RBFOX1: variants seen among roughly 807,000 people sequenced by gnomAD.
The protein encoded by RBFOX1 is RNA binding fox-1 homolog 1, also known as RNA binding protein fox-1 homolog 1.
RBFOX1 carries 8 observed loss-of-function variants against 57.7 expected under a neutral mutation model. That is an observed-to-expected ratio of 0.14 (90% CI 0.08 to 0.25). RBFOX1 has a LOEUF of 0.25. RBFOX1 is among the 10% of genes least tolerant of loss of function. The pLI is 1.00. For synonymous variants in RBFOX1, 326 were observed against 222.4 expected, an observed-to-expected ratio of 1.47 and a Z score of -4.15; for missense variants, 611 against 548.5, an observed-to-expected ratio of 1.11 and a Z score of -1.14.
At chr16:6,004,139 T>A (rs2060652021) in intron 4 of RBFOX1, among the ~76,000 whole-genome samples, 1 of 152,162 alleles carries the variant, frequency 6.6e-6, no homozygotes, top group South Asian at 2.1e-4. Context: ...ATAGCACACG[T>A]TTGCCTGTGT....
intron 3 of RBFOX1, among the ~76,000 whole-genome samples, chr16:6,787,790 C>A (rs966556591): frequency 6.6e-6 from 1 of 152,174 alleles, no homozygotes; most frequent in African/African-American, 2.4e-5. Context: ...ACTTAGTCTT[C>A]CTCCATAATA....
intron 2 of RBFOX1, among the ~76,000 whole-genome samples, chr16:6,399,455 C>T (rs961029133): frequency 6.6e-6 from 1 of 152,190 alleles, no homozygotes; most frequent in South Asian, 2.1e-4. Flanking sequence ...TCTGCTAAAA[C>T]ACAGCAAGAG....
chr16:5,727,048 C>T (rs919814532), intron 3 of RBFOX1, among the ~76,000 whole-genome samples: 1 of 152,138 alleles, frequency 6.6e-6, no homozygotes, highest in African/African-American at 2.4e-5. Flanking sequence ...TACTTGAGGT[C>T]AGGAGTTTAA....
chr16:7,188,728 G>T (rs2084555541), intron 4 of RBFOX1, among the ~76,000 whole-genome samples: 1 of 152,122 alleles, frequency 6.6e-6, no homozygotes, highest in African/African-American at 2.4e-5. Context: ...CATATATTTG[G>T]AGATTCAGAT....
At chr16:5,369,591 C>G (rs1410006962) in intron 1 of RBFOX1, among the ~76,000 whole-genome samples, 1 of 152,246 alleles carries the variant, frequency 6.6e-6, no homozygotes, top group Non-Finnish European at 1.5e-5. Flanking sequence ...TCATGCCCCA[C>G]ACGCTCCTGA....
intron 1 of RBFOX1, among the ~76,000 whole-genome samples, chr16:6,093,603 G>C (rs1277296431): frequency 6.6e-6 from 1 of 151,968 alleles, no homozygotes; most frequent in African/African-American, 2.4e-5. Flanking sequence ...GCATGGGACG[G>C]TCTGTGAATT....
intron 1 of RBFOX1, among the ~76,000 whole-genome samples, chr16:6,036,992 G>A (rs2095373644): frequency 6.6e-6 from 1 of 152,178 alleles, no homozygotes; most frequent in South Asian, 2.1e-4. Flanking sequence ...TGGTGGGACT[G>A]TGTGTGTTGG....
chr16:6,746,112 G>A (rs915373988), intron 3 of RBFOX1, among the ~76,000 whole-genome samples: 3 of 152,138 alleles, frequency 2.0e-5, no homozygotes, highest in Non-Finnish European at 1.5e-5. Flanking sequence ...TAGCTGAGAG[G>A]AGTTGAAAGA....
chr16:5,351,331 G>A (rs529997332), intron 1 of RBFOX1, among the ~76,000 whole-genome samples: 47 of 152,312 alleles, frequency 3.1e-4, no homozygotes, highest in Non-Finnish European at 6.2e-4. Context: ...AACTACTCTA[G>A]AAGGTAGATA....
intron 4 of RBFOX1, among the ~76,000 whole-genome samples, chr16:7,283,039 T>C (rs917963684): frequency 1.3e-5 from 2 of 152,192 alleles, no homozygotes; most frequent in Non-Finnish European, 2.9e-5. Context: ...TTTGCAATTG[T>C]GAATTGTGCT....
intron 11 of RBFOX1, among the ~76,000 whole-genome samples, chr16:7,637,700 C>G (rs2062000904): frequency 6.6e-6 from 1 of 152,076 alleles, no homozygotes; most frequent in Admixed American, 6.5e-5. Context: ...CTTCTTTTTC[C>G]CTCACTTGCC....
intron 3 of RBFOX1, among the ~76,000 whole-genome samples, chr16:6,764,806 G>A (rs116527798): frequency 3.3e-5 from 5 of 152,070 alleles, no homozygotes; most frequent in African/African-American, 7.2e-5. Context: ...GCATGGTGAC[G>A]GGTGCCTGTA....
chr16:6,575,945 G>C (rs1387286341), intron 2 of RBFOX1, among the ~76,000 whole-genome samples: 1 of 151,852 alleles, frequency 6.6e-6, no homozygotes, highest in South Asian at 2.1e-4. Context: ...TGATTAATCA[G>C]TGATGGTGGT....
At chr16:5,956,639 A>AATAT (rs1373907599) in intron 4 of RBFOX1, among the ~76,000 whole-genome samples, 1,965 of 123,260 alleles carry the variant, frequency 0.016, 49 homozygotes, top group African/African-American at 0.058. Context: ...GCAAAAAACA[A>AATAT]ATATATATAT....
intron 4 of RBFOX1, among the ~76,000 whole-genome samples, chr16:7,101,862 C>A (rs1159682168): frequency 1.3e-5 from 2 of 152,038 alleles, no homozygotes; most frequent in African/African-American, 4.8e-5. Flanking sequence ...ATCCCAGGTC[C>A]AGGGATTGTA....
At chr16:5,955,485 A>G (rs17138985) in intron 4 of RBFOX1, among the ~76,000 whole-genome samples, 8,739 of 152,008 alleles carry the variant, frequency 0.057, 880 homozygotes, top group African/African-American at 0.2. Flanking sequence ...CAGGCAAGAC[A>G]TAGGACATAA....
intron 2 of RBFOX1, among the ~76,000 whole-genome samples, chr16:5,509,860 G>T (rs891729747): frequency 1.1e-4 from 16 of 152,206 alleles, no homozygotes; most frequent in African/African-American, 2.9e-4. Context: ...GGGTGTCCCA[G>T]ATGGTGCCCA....
chr16:5,952,177 G>A lies in RBFOX1; in HGVS notation c.351+84842G>A, dbSNP rs573892775. Among the ~76,000 whole-genome samples the A allele has an allele frequency of 2.0e-5, 3 of 148,910 alleles. No individual in the cohort carries two copies. In the South Asian group the frequency reaches 6.4e-4, roughly 32 times the overall value. ...GTTTTGTTTTTTTTTTTGAGATGAAGTCTCACTCTGTTTCCCTGGCTGGAG... is the reference window on the plus strand; with the variant it reads ...GTTTTGTTTTTTTTTTTGAGATGAAATCTCACTCTGTTTCCCTGGCTGGAG... On this transcript the variant is annotated intron_variant, in intron 4 of 19. Coordinates refer to the RBFOX1 transcript ENST00000641259.
At chr16:7,276,183 C>G (rs1472025929) in intron 4 of RBFOX1, among the ~76,000 whole-genome samples, 1 of 152,202 alleles carries the variant, frequency 6.6e-6, no homozygotes, top group Admixed American at 6.5e-5. Flanking sequence ...CATGCCAAGT[C>G]TGAAGTGAAG....
Sources: gnomAD v4.1 joint callset for allele counts (sites outside exome capture counted in the v4.1 genomes callset) on GRCh38, gnomAD v4.1.1 for gene constraint, MANE v1.5 for transcripts, NCBI Gene and HGNC (gene_info 2026-07-23, HGNC 2026-07-21) for gene names.